ADAMTS2: variants seen among roughly 807,000 people sequenced by gnomAD.
ADAMTS2 encodes A disintegrin and metalloproteinase with thrombospondin motifs 2.
ADAMTS2 carries 50 observed loss-of-function variants against 123.0 expected under a neutral mutation model. That is an observed-to-expected ratio of 0.41 (90% CI 0.32 to 0.51). ADAMTS2 has a LOEUF of 0.51. ADAMTS2 is among the 20% of genes least tolerant of loss of function. The pLI is 0.35. For synonymous variants in ADAMTS2, 678 were observed against 695.4 expected (o/e 0.98, Z 0.39); for missense variants, 1,494 against 1,705.2 (o/e 0.88, Z 2.18).
At chr5:179,237,210 C>G (rs469349) in intron 3 of ADAMTS2, among the ~76,000 whole-genome samples, 1 of 152,324 alleles carries the variant, frequency 6.6e-6, no homozygotes, top group Non-Finnish European at 1.5e-5. Context: ...ACACAGTGAG[C>G]TAGGATCGTG....
Position 179,176,935 on chromosome 5 carries a change from T to C in ADAMTS2, c.975+4137A>G, listed in dbSNP as rs571889919. Among the ~76,000 whole-genome samples, 3 of 151,856 alleles carry C rather than the reference T, an allele frequency of 2.0e-5. No individual in the cohort carries two copies. In the East Asian group the frequency reaches 5.8e-4, roughly 30 times the overall value. On this transcript the variant is annotated intron_variant, in intron 5 of 21. Transcript: ENST00000251582. Reference sequence around the variant, plus strand: ...TCAGAGCATCTCTATGCTGGTGACTTCACTGGACCATCTTCAGGTGTGGGT... The same window carrying C: ...TCAGAGCATCTCTATGCTGGTGACTCCACTGGACCATCTTCAGGTGTGGGT...
At chr5:179,309,529 G>A (rs1756765918) in intron 2 of ADAMTS2, among the ~76,000 whole-genome samples, 1 of 152,124 alleles carries the variant, frequency 6.6e-6, no homozygotes, top group Non-Finnish European at 1.5e-5. Context: ...GGCCAAGGTG[G>A]GGCGGGTCAC....
chr5:179,121,872 G>A lies in ADAMTS2; in HGVS notation c.3089-122C>T, dbSNP rs115962190. On this transcript the variant is annotated intron_variant, in intron 20 of 21. Transcript: ENST00000251582. ...CGTCATTCAAGGCCCTCGCCTCCCC[G>A]GGCGGACAAAGGGTCCTCCGCTGCC... is the stretch of plus-strand genomic sequence containing the variant. 848 of 624,686 alleles carry A rather than the reference G, an allele frequency of 1.4e-3. 4 individuals are homozygous for A. In the African/African-American group the frequency reaches 0.014, roughly 10 times the overall value. The allele number at this position is 624,686 out of a possible 1,614,324, so 38.7% of individuals were successfully genotyped here.
intron 3 of ADAMTS2, among the ~76,000 whole-genome samples, chr5:179,264,948 AC>A (rs1766325696): frequency 1.1e-5 from 1 of 90,110 alleles, no homozygotes; most frequent in Admixed American, 1.0e-4. Context: ...TGACCCCTGC[AC>A]CAGCGCTGAC....
At chr5:179,178,499 C>T (rs1303909023) in intron 5 of ADAMTS2, among the ~76,000 whole-genome samples, 1 of 152,248 alleles carries the variant, frequency 6.6e-6, no homozygotes, top group Non-Finnish European at 1.5e-5. Flanking sequence ...GAGAGCCTCC[C>T]AACAGCTTCC....
At chr5:179,245,145 G>A (rs1425754252) in intron 3 of ADAMTS2, among the ~76,000 whole-genome samples, 1 of 152,188 alleles carries the variant, frequency 6.6e-6, no homozygotes, top group East Asian at 1.9e-4. Flanking sequence ...GGGGGAAGCA[G>A]AAGAGAGAAA....
chr5:179,272,960 G>A lies in ADAMTS2; in HGVS notation c.639C>T (p.Arg213=), dbSNP rs1668551979. ...AEQGRVHVVY[R]RPPTSPPLGG... is the part of the protein sequence containing the mutation. ...CGAGAGGAGGGGACGTGGGTGGCCG[G>A]CGATACACCACATGCACACGGCCTT... is the stretch of plus-strand genomic sequence containing the variant. The change falls in exon 3 of 22, where the codon CGC becomes CGT. Residue 213 remains arginine, a synonymous_variant. Transcript: ENST00000251582. The surrounding 1 kb of genome is among the most constrained non-coding windows in gnomAD (Gnocchi z 5.8). 6.2e-7 allele frequency: 1 copy of A among 1,612,418 alleles called. No homozygotes were observed. Among genetic ancestry groups the A allele is most frequent in the Non-Finnish European group, 8.5e-7 (1 of 1,179,976 alleles).
Position 179,129,940 on chromosome 5 carries a change from T to C in ADAMTS2, c.2449A>G (p.Thr817Ala). ...GCCCTGCTTGGACTCACCAGAACGG[T>C]GATGGTGCCGTGGAGGGGGCCCATG... ...QTMGPLHGTI[T>A]VLVIPVGDTR... is the part of the protein sequence containing the mutation. The change falls in exon 16 of 22, where the codon ACC becomes GCC. Residue 817 changes from threonine to alanine, a missense_variant. Physicochemically the swap from Thr to Ala is moderately conservative, Grantham distance 58. Transcript: ENST00000251582. This position sits in a 1 kb window ranked among gnomAD's most constrained non-coding sequence, Gnocchi z 4.1. 6.2e-7 allele frequency: 1 copy of C among 1,613,764 alleles called. No individual in the cohort carries two copies. The highest frequency in any genetic ancestry group is 8.5e-7 in the Non-Finnish European group (1 of 1,179,982).
chr5:179,303,718 G>A lies in ADAMTS2; in HGVS notation c.535-30654C>T, dbSNP rs1756597073. Among the ~76,000 whole-genome samples, 1 of 152,198 alleles carries A rather than the reference G, an allele frequency of 6.6e-6. No homozygotes were observed. On this transcript the variant is annotated intron_variant, in intron 2 of 21. Coordinates refer to ENST00000251582, the MANE Select transcript of ADAMTS2 (RefSeq NM_014244.5). The surrounding 1 kb of genome is among the most constrained non-coding windows in gnomAD (Gnocchi z 4.7). ...CCACAGGCACCTAAAACTCTAAGAG[G>A]GGAGCCTGGCTGTGTAGCTGGAAGT...
chr5:179,199,756 G>A (rs1764519441), intron 4 of ADAMTS2, among the ~76,000 whole-genome samples: 1 of 152,096 alleles, frequency 6.6e-6, no homozygotes, highest in African/African-American at 2.4e-5. Context: ...TAAACTTCTG[G>A]TCAGCCTGAG....
At chr5:179,172,278 G>T (rs961861734) in intron 5 of ADAMTS2, among the ~76,000 whole-genome samples, 1 of 152,218 alleles carries the variant, frequency 6.6e-6, no homozygotes. Flanking sequence ...CCTGGGAAGA[G>T]CAGGCTGCAC....
Position 179,283,577 on chromosome 5 carries a change from A to T in ADAMTS2, c.535-10513T>A, listed in dbSNP as rs557709388. Among the ~76,000 whole-genome samples the T allele has an allele frequency of 7.7e-3, 1,138 of 147,094 alleles. 24 individuals are homozygous for T. The highest frequency in any genetic ancestry group is 0.027 in the African/African-American group (1,058 of 39,178). On this transcript the variant is annotated intron_variant, in intron 2 of 21. Transcript: ENST00000251582. Reference sequence around the variant, plus strand: ...AAAAAAAAAAAAAAAAAAATCCAGAAAAACAGAAAACATAAATTAGATGAC... The same window carrying T: ...AAAAAAAAAAAAAAAAAAATCCAGATAAACAGAAAACATAAATTAGATGAC...
At chr5:179,336,461 C>A (rs1757616743) in intron 2 of ADAMTS2, among the ~76,000 whole-genome samples, 1 of 152,204 alleles carries the variant, frequency 6.6e-6, no homozygotes, top group East Asian at 1.9e-4. Context: ...AAATGGCCCA[C>A]CCATTAGGCT....
In ADAMTS2 at chr5:179,170,619, G is replaced by A. The variant is rs1207352541; in HGVS notation, c.975+10453C>T. 1.3e-5 allele frequency among the ~76,000 whole-genome samples: 2 copies of A among 152,050 alleles called. No individual in the cohort carries two copies. Among genetic ancestry groups the A allele is most frequent in the African/African-American group, 4.8e-5 (2 of 41,380 alleles). On this transcript the variant is annotated intron_variant, in intron 5 of 21. Coordinates refer to ENST00000251582, the MANE Select transcript of ADAMTS2 (RefSeq NM_014244.5). The surrounding 1 kb of genome is among the most constrained non-coding windows in gnomAD (Gnocchi z 4.3). ...GTGAGCAAAAGGGGTCTGTTCCCTTGGACACAGGAGCTAGGCCTTTTGCCC... is the reference window on the plus strand; with the variant it reads ...GTGAGCAAAAGGGGTCTGTTCCCTTAGACACAGGAGCTAGGCCTTTTGCCC...
chr5:179,265,410 G>A lies in ADAMTS2; in HGVS notation c.688+7501C>T, dbSNP rs565284010. On this transcript the variant is annotated intron_variant, in intron 3 of 21. Transcript: ENST00000251582. ...ACAGGGGAGTTGCTGCGCACGTGGGGGCTGTCAGGCGGAGTGCCAGGCCCA... is the reference window on the plus strand; with the variant it reads ...ACAGGGGAGTTGCTGCGCACGTGGGAGCTGTCAGGCGGAGTGCCAGGCCCA... Among the ~76,000 whole-genome samples the A allele has an allele frequency of 1.7e-3, 254 of 152,328 alleles. 1 individual carries two copies. Among genetic ancestry groups the A allele is most frequent in the African/African-American group, 5.7e-3 (236 of 41,590 alleles).
rs1442313945 is a variant in ADAMTS2 at position 179,308,147 on chromosome 5, G to T, written c.535-35083C>A. Among the ~76,000 whole-genome samples, 1 of 152,198 alleles carries T rather than the reference G, an allele frequency of 6.6e-6. No individual in the cohort carries two copies. The highest frequency in any genetic ancestry group is 1.5e-5 in the Non-Finnish European group (1 of 68,036). On this transcript the variant is annotated intron_variant, in intron 2 of 21. Coordinates refer to ENST00000251582, the MANE Select transcript of ADAMTS2 (RefSeq NM_014244.5). This position sits in a 1 kb window ranked among gnomAD's most constrained non-coding sequence, Gnocchi z 6.6. ...TGCCGCCTTCTGGAGCGACAACAAG[G>T]AGAAAACAGGGGTTTAAGTGGAGGA...
intron 10 of ADAMTS2, among the ~76,000 whole-genome samples, chr5:179,144,099 C>G (rs982362421): frequency 1.3e-5 from 2 of 151,568 alleles, no homozygotes; most frequent in Non-Finnish European, 2.9e-5. Context: ...GAAACAAGAC[C>G]AATATACAAA....
Position 179,243,092 on chromosome 5 carries a change from AG to A in ADAMTS2, c.688+29818del, listed in dbSNP as rs750761292. 9.1e-4 allele frequency among the ~76,000 whole-genome samples: 138 copies of A among 151,992 alleles called. 1 individual carries two copies. The highest frequency in any genetic ancestry group is 9.8e-4 in the Admixed American group (15 of 15,278). ...AAGATTCTGGCGGCAAGAATTTAAG[AG>A]GAGGCTGACAGCTCTATGAGAACAA... On this transcript the variant is annotated intron_variant, in intron 3 of 21. Coordinates refer to ENST00000251582, the MANE Select transcript of ADAMTS2 (RefSeq NM_014244.5).
At chr5:179,223,635 TGC>T (rs1305821991) in intron 3 of ADAMTS2, among the ~76,000 whole-genome samples, 6 of 88,438 alleles carry the variant, frequency 6.8e-5, no homozygotes, top group East Asian at 2.3e-3. Flanking sequence ...CTCACATGAA[TGC>T]ACACACACAT....
Sources: allele counts gnomAD v4.1 joint callset (sites outside exome capture counted in the v4.1 genomes callset), GRCh38; gene constraint gnomAD v4.1.1; non-coding constraint Gnocchi (gnomAD v3.1); transcripts MANE v1.5; gene names NCBI Gene and HGNC (gene_info 2026-07-23, HGNC 2026-07-21).